Variants in MTMR8 observed in about 807,000 individuals in gnomAD.
MTMR8 encodes the protein phosphatidylinositol-3,5-bisphosphate 3-phosphatase MTMR8.
A neutral mutation model predicts 39.3 loss-of-function variants in MTMR8; 65 were observed. The ratio of observed to expected loss-of-function variants is 1.65; its 90% CI spans 1.35 to 2.03. The LOEUF (loss-of-function observed/expected upper bound fraction) is 2.03. Among genes scored for constraint, MTMR8 ranks in the 30% most tolerant of loss-of-function variants. The pLI, the probability that MTMR8 is intolerant of heterozygous loss-of-function variation, is 0.00. For synonymous variants in MTMR8, 245 were observed against 185.2 expected (o/e 1.32, Z -2.62); for missense variants, 777 against 538.9 (o/e 1.44, Z -4.37).
intron 4 of MTMR8, among the ~76,000 whole-genome samples, chrX:64,352,044 G>T (rs917040752): frequency 8.1e-5 from 9 of 111,569 alleles, no homozygotes; most frequent in Non-Finnish European, 1.5e-4. Flanking sequence ...AGGCCTACTT[G>T]CATTGTGCTT....
At chrX:64,386,968 C>T (rs746170406) in intron 1 of MTMR8, among the ~76,000 whole-genome samples, 1 of 111,051 alleles carries the variant, frequency 9.0e-6, no homozygotes, top group South Asian at 3.8e-4. Context: ...TGGGAAGGAT[C>T]GCTTAAGCCT....
intron 12 of MTMR8, among the ~76,000 whole-genome samples, chrX:64,281,047 G>A (rs2147130680): frequency 9.0e-6 from 1 of 111,316 alleles, no homozygotes; most frequent in South Asian, 3.8e-4. Flanking sequence ...GGAAATGAAA[G>A]AGGACACAAA....
At chrX:64,381,290 AC>A (rs1220779483) in intron 1 of MTMR8, among the ~76,000 whole-genome samples, 2 of 111,754 alleles carry the variant, frequency 1.8e-5, no homozygotes, top group East Asian at 5.6e-4. Context: ...CACCATTCTA[AC>A]TGGTATGAGG....
chrX:64,325,954 C>G (rs1249135719), intron 12 of MTMR8, among the ~76,000 whole-genome samples: 1 of 111,635 alleles, frequency 9.0e-6, no homozygotes, highest in Non-Finnish European at 1.9e-5. Context: ...TAAGTTCTTA[C>G]TTACCAAAAA....
chrX:64,359,542 A>G lies in MTMR8; in HGVS notation c.25-15T>C, dbSNP rs1923722195. 1 of 1,190,266 alleles carries G rather than the reference A, an allele frequency of 8.4e-7. No homozygotes were observed. The highest frequency in any genetic ancestry group is 1.8e-5 in the African/African-American group (1 of 56,649). On this transcript the variant is annotated splice_polypyrimidine_tract_variant and intron_variant, in intron 1 of 13. Coordinates refer to ENST00000374852, the MANE Select transcript of MTMR8 (RefSeq NM_017677.4). ...ACGTTTTCTACCTGTTATTGGAGGA[A>G]AAAATACTGAATAAGTTACCAACTC... is the stretch of plus-strand genomic sequence containing the variant.
At chrX:64,295,834 A>G (rs1921559362) in intron 12 of MTMR8, among the ~76,000 whole-genome samples, 1 of 112,122 alleles carries the variant, frequency 8.9e-6, no homozygotes, top group African/African-American at 3.2e-5. Flanking sequence ...ATACAGAAAA[A>G]ATAGAGTCCT....
intron 12 of MTMR8, among the ~76,000 whole-genome samples, chrX:64,282,249 T>A (rs1932032273): frequency 1.8e-5 from 2 of 111,242 alleles, no homozygotes; most frequent in Non-Finnish European, 3.8e-5. Context: ...TAAATAATTA[T>A]ATTATAAAGA....
At chrX:64,388,820 T>C (rs1924625584) in intron 1 of MTMR8, among the ~76,000 whole-genome samples, 1 of 112,418 alleles carries the variant, frequency 8.9e-6, no homozygotes, top group African/African-American at 3.2e-5. Flanking sequence ...GAGCCTTTAA[T>C]AGGTGAACGT....
chrX:64,287,075 G>A (rs1296100111), intron 12 of MTMR8, among the ~76,000 whole-genome samples: 1 of 111,641 alleles, frequency 9.0e-6, no homozygotes, highest in East Asian at 2.8e-4. Context: ...CATTGTCTCA[G>A]CCCAAAATCT....
intron 12 of MTMR8, among the ~76,000 whole-genome samples, chrX:64,326,454 A>G (rs1215403220): frequency 8.9e-6 from 1 of 112,034 alleles, no homozygotes; most frequent in East Asian, 2.8e-4. Context: ...CAATAGTTAC[A>G]AAAAACATAT....
intron 12 of MTMR8, among the ~76,000 whole-genome samples, chrX:64,286,212 A>G (rs768464511): frequency 2.4e-4 from 27 of 112,406 alleles, no homozygotes; most frequent in Admixed American, 2.3e-3. Context: ...ACGCAAATAA[A>G]CTAGAAAATC....
At chrX:64,281,253 C>A (rs927870408) in intron 12 of MTMR8, among the ~76,000 whole-genome samples, 1 of 111,347 alleles carries the variant, frequency 9.0e-6, no homozygotes. Context: ...AAATCCCAAG[C>A]AAAAAGAACA....
At chrX:64,282,721 C>A (rs1246685728) in intron 12 of MTMR8, among the ~76,000 whole-genome samples, 1 of 110,828 alleles carries the variant, frequency 9.0e-6, no homozygotes, top group Non-Finnish European at 1.9e-5. Context: ...ATAAATTGGG[C>A]TACATCAAAA....
At chrX:64,329,650 T>TGC (rs1369430520) in intron 11 of MTMR8, among the ~76,000 whole-genome samples, 1 of 111,171 alleles carries the variant, frequency 9.0e-6, no homozygotes, top group Non-Finnish European at 1.9e-5. Context: ...GAAGGTCATT[T>TGC]GCACACACAC....
intron 12 of MTMR8, among the ~76,000 whole-genome samples, chrX:64,302,435 G>A (rs1270563962): frequency 8.9e-6 from 1 of 111,999 alleles, no homozygotes; most frequent in Non-Finnish European, 1.9e-5. Flanking sequence ...CGCGGACGGT[G>A]CGCACACCCA....
At chrX:64,305,963 A>T (rs1045850587) in intron 12 of MTMR8, 5 of 198,505 alleles carry the variant, frequency 2.5e-5, no homozygotes, top group Middle Eastern at 1.8e-3. Context: ...AACAATTTAA[A>T]CATTTAGCTG....
At chrX:64,269,118 C>A in intron 13 of MTMR8, 75 bp from the exon 14 acceptor site, 2 of 1,038,848 alleles carry the variant, frequency 1.9e-6, no homozygotes, top group Non-Finnish European at 2.6e-6. Flanking sequence ...CCTTGATCTG[C>A]AGAGATCCTA....
intron 1 of MTMR8, among the ~76,000 whole-genome samples, chrX:64,364,641 C>G (rs1602148904): frequency 8.9e-6 from 1 of 111,777 alleles, no homozygotes; most frequent in Admixed American, 9.5e-5. Context: ...GTAGATAAAA[C>G]CACAAAGATG....
At chrX:64,348,261 A>G (rs908430941) in intron 6 of MTMR8, among the ~76,000 whole-genome samples, 1 of 108,335 alleles carries the variant, frequency 9.2e-6, no homozygotes, top group African/African-American at 3.4e-5. Flanking sequence ...CATTTATAGA[A>G]AAAAAAAAAA....
Sources: allele counts gnomAD v4.1 joint callset (sites outside exome capture counted in the v4.1 genomes callset), GRCh38; gene constraint gnomAD v4.1.1; transcripts MANE v1.5; gene names NCBI Gene and HGNC (gene_info 2026-07-23, HGNC 2026-07-21).